The following PPIL2 variants were observed in gnomAD, a reference collection of about 807,000 sequenced individuals.
The protein encoded by PPIL2 is RING-type E3 ubiquitin-protein ligase PPIL2.
PPIL2 carries 50 observed loss-of-function variants against 75.2 expected under a neutral mutation model. The ratio of observed to expected loss-of-function variants is 0.66; its 90% CI spans 0.53 to 0.84. The LOEUF (loss-of-function observed/expected upper bound fraction) is 0.84, where lower values mean the gene tolerates loss of function less well. PPIL2 is among the 40% of genes least tolerant of loss of function. The probability of loss-of-function intolerance (pLI) is 0.00; values close to 1 mark genes in which losing one functional copy is unlikely to be tolerated. For synonymous variants in PPIL2, 245 were observed against 258.8 expected, an observed-to-expected ratio of 0.95 and a Z score of 0.51; for missense variants, 590 against 685.0, an observed-to-expected ratio of 0.86 and a Z score of 1.55.
chr22:21,695,173 G>A (rs2051653823), intron 19 of PPIL2, 103 bp downstream of exon 19: 2 of 1,442,444 alleles, frequency 1.4e-6, no homozygotes, highest in African/African-American at 1.4e-5. Context: ...ATGGGCACTG[G>A]TCCCGGCCGT....
At chr22:21,683,063 A>G (rs899625836) in intron 8 of PPIL2, 119 bp from the exon 9 acceptor site, 13 of 865,138 alleles carry the variant, frequency 1.5e-5, no homozygotes, top group Admixed American at 1.0e-4. Flanking sequence ...GACTCCCCCA[A>G]CCTCAGTGTA....
At position 21,694,765 on chromosome 22, in the gene PPIL2, G is replaced by A. The variant is rs755227947; in HGVS notation, c.1280G>A (p.Arg427His). ...CCCCTTTGCTGCTAGGAGGAGATCCGCATTGATGCCACTACAGTGTTCGTG... is the reference window on the plus strand; with the variant it reads ...CCCCTTTGCTGCTAGGAGGAGATCCACATTGATGCCACTACAGTGTTCGTG... ...PKTDRPKEEI[R>H]IDATTVFVDP... is the part of the protein sequence containing the mutation. The change falls in exon 18 of 20, where the codon CGC (arginine) becomes CAC (histidine). Residue 427 changes from arginine (R) to histidine (H), a missense_variant. By Grantham distance (29) the Arg-to-His change is conservative (BLOSUM62 0). Transcript: ENST00000398831. 27 of 1,609,552 alleles carry A rather than the reference G, an allele frequency of 1.7e-5. No homozygotes were observed. The South Asian group carries it at 2.8e-4, about 16-fold the overall frequency.
intron 15 of PPIL2, among the ~76,000 whole-genome samples, chr22:21,692,401 A>G (rs371768316): frequency 0.062 from 9,307 of 150,580 alleles, 434 homozygotes; most frequent in African/African-American, 0.13. Flanking sequence ...TGATCCGCCC[A>G]CCTTGGCCTC....
At chr22:21,667,209 T>C (rs1304100162) in intron 1 of PPIL2, among the ~76,000 whole-genome samples, 1 of 141,212 alleles carries the variant, frequency 7.1e-6, no homozygotes, top group Non-Finnish European at 1.5e-5. Flanking sequence ...CAAGCTAGAG[T>C]GCAATGGTGA....
Position 21,695,687 on chromosome 22 carries a change from T to C in PPIL2, c.*197T>C. The C allele has an allele frequency of 1.4e-6, 2 of 1,391,580 alleles. No homozygotes were observed. The allele number at this position is 1,391,580 out of a possible 1,614,324, so 86.2% of individuals were successfully genotyped here. A position where few individuals can be genotyped will look rare whatever the true frequency, so the allele number is the denominator to read the frequency against. ...AACCTGTTGCCAAGGGCCTTGGCCC[T>C]GTTTCCAGGACCTGGCCCAGCCAGA... On this transcript the variant is annotated 3_prime_UTR_variant, in exon 20 of 20. Coordinates refer to ENST00000398831, the MANE Select transcript of PPIL2 (RefSeq NM_014337.4).
chr22:21,689,124 G>A (rs952653753), intron 15 of PPIL2, among the ~76,000 whole-genome samples: 8 of 152,226 alleles, frequency 5.3e-5, no homozygotes, highest in South Asian at 4.1e-4. Context: ...CCAGGCATTC[G>A]TGTGGGTGCC....
intron 2 of PPIL2, chr22:21,670,233 A>G (rs979829101): frequency 2.2e-4 from 251 of 1,123,470 alleles, no homozygotes; most frequent in Non-Finnish European, 2.9e-4. Flanking sequence ...ACAAAATTAC[A>G]TGTACATTTA....
At chr22:21,694,021 C>A in intron 16 of PPIL2, 149 bp downstream of exon 16, 1 of 888,480 alleles carries the variant, frequency 1.1e-6, no homozygotes, top group African/African-American at 1.7e-5. Context: ...TGCAGAGCTG[C>A]GATGGAGGGT....
chr22:21,688,089 C>CCACAGG lies in PPIL2; in HGVS notation c.1014_1019dup (p.Thr340_Gly341dup). The CCACAGG allele has an allele frequency of 1.9e-6, 3 of 1,614,198 alleles. No homozygotes were observed. Among genetic ancestry groups the CCACAGG allele is most frequent in the East Asian group, 2.2e-5 (1 of 44,880 alleles). ...TTTTCACAGATCCAAGGGGGCGACCCCACAGGCACAGGCACGGGTAGGTAC... is the reference window on the plus strand; with the variant it reads ...TTTTCACAGATCCAAGGGGGCGACCCCACAGGCACAGGCACAGGCACGGGTAGGTAC... On this transcript the variant is annotated inframe_insertion, in exon 14 of 20. Coordinates refer to ENST00000398831, the MANE Select transcript of PPIL2 (RefSeq NM_014337.4).
In PPIL2 at chr22:21,686,949, G is replaced by A. The variant is rs201936934; in HGVS notation, c.848G>A (p.Arg283Gln). ...TTTGTGAAGAAGAAGGGCTACGTGC[G>A]GCTGCACACCAACAAGGGCGACCTC... The part of the protein sequence containing the change: ...YQFVKKKGYV[R>Q]LHTNKGDLNL... Residue 283 changes from arginine (R) to glutamine (Q), a missense_variant, in exon 12 of 20, where the codon CGG (arginine) becomes CAG (glutamine). By Grantham distance (43) the Arg-to-Gln change is conservative. Transcript: ENST00000398831. 4.1e-5 allele frequency: 66 copies of A among 1,613,942 alleles called. No homozygotes were observed. The highest frequency in any genetic ancestry group is 2.8e-4 in the Admixed American group (17 of 60,010).
chr22:21,676,309 T>TTGTGTGTGTGTGTGTGTGTGTGTG (rs61112126), intron 6 of PPIL2, among the ~76,000 whole-genome samples: 2 of 123,018 alleles, frequency 1.6e-5, no homozygotes, highest in Non-Finnish European at 3.3e-5. Flanking sequence ...TTTATTTATT[T>TTGTGTGTGTGTGTGTGTGTGTGTG]TGTGTGTGTG....
At chr22:21,671,285 A>G (rs946796287) in intron 4 of PPIL2, among the ~76,000 whole-genome samples, 4 of 152,228 alleles carry the variant, frequency 2.6e-5, no homozygotes, top group African/African-American at 9.6e-5. Context: ...TACCCCTCCA[A>G]GTGCAGGCAT....
chr22:21,671,016 G>T lies in PPIL2; in HGVS notation c.148G>T (p.Val50Phe), dbSNP rs2066610990. Reference protein sequence around the residue: ...DHCSLSLQPFVYPVCTPDGIV... With the variant: ...DHCSLSLQPFFYPVCTPDGIV... Reference sequence around the variant, plus strand: ...TTTCAGTCTCTCTCTGCAGCCCTTTGTCTACCCAGTCTGCACTCCCGATGG... The same window carrying T: ...TTTCAGTCTCTCTCTGCAGCCCTTTTTCTACCCAGTCTGCACTCCCGATGG... The change falls in exon 4 of 20, where the codon GTC becomes TTC. Residue 50 changes from valine (V) to phenylalanine (F), a missense_variant. Transcript: ENST00000398831. 4 of 1,613,086 alleles carry T rather than the reference G, an allele frequency of 2.5e-6. No homozygotes were observed. The highest frequency in any genetic ancestry group is 3.4e-6 in the Non-Finnish European group (4 of 1,179,132).
chr22:21,667,146 G>C (rs1481352069), intron 1 of PPIL2, among the ~76,000 whole-genome samples: 1 of 138,288 alleles, frequency 7.2e-6, no homozygotes, highest in Non-Finnish European at 1.5e-5. Context: ...TCAATCCTCA[G>C]TCCTCATTTT....
In PPIL2 at chr22:21,695,894, T is replaced by C; in HGVS notation, c.*404T>C. The C allele has an allele frequency of 4.0e-6, 4 of 1,008,770 alleles. No homozygotes were observed. Among genetic ancestry groups the C allele is most frequent in the Non-Finnish European group, 4.8e-6 (4 of 828,736 alleles). The allele number at this position is 1,008,770 out of a possible 1,614,324, so 62.5% of individuals were successfully genotyped here. A position where few individuals can be genotyped will look rare whatever the true frequency, so the allele number is the denominator to read the frequency against. On this transcript the variant is annotated 3_prime_UTR_variant, in exon 20 of 20. Transcript: ENST00000398831. ...TCCAGTGCAGTGGTGTGATCATGGC[T>C]CACTGCAGCCTCGACCTCCTGGGCT... is the stretch of plus-strand genomic sequence containing the variant.
At position 21,695,453 on chromosome 22, in the gene PPIL2, A is replaced by G; in HGVS notation, c.1526A>G (p.Lys509Arg). Residue 509 changes from lysine (K) to arginine (R), a missense_variant, in exon 20 of 20, where the codon AAG becomes AGG. Lys to Arg is a conservative substitution (Grantham distance 26). Coordinates refer to ENST00000398831, the MANE Select transcript of PPIL2 (RefSeq NM_014337.4). ...GCCACTGTCCCCATGTCCAAGAAGA[A>G]GCCCAGTCGGGGTTTTGGGGACTTC... is the stretch of plus-strand genomic sequence containing the variant. The part of the protein sequence containing the change: ...TSATVPMSKK[K>R]PSRGFGDFSS... 6.2e-7 allele frequency: 1 copy of G among 1,609,180 alleles called. No individual in the cohort carries two copies. Among genetic ancestry groups the G allele is most frequent in the Non-Finnish European group, 8.5e-7 (1 of 1,177,696 alleles).
rs769760032 is a variant in PPIL2, at chr22:21,693,824, C to T, written c.1148C>T (p.Thr383Met). ...CCAGCCCTCCTCCCCAGCTTCATCA[C>T]GTTTCGCTCCTGTGCCTACCTGGAC... Reference protein sequence around the residue: ...PNSNRSQFFITFRSCAYLDKK... With the variant: ...PNSNRSQFFIMFRSCAYLDKK... Residue 383 changes from threonine (T) to methionine (M), a missense_variant, in exon 16 of 20, where the codon ACG becomes ATG. Physicochemically the swap from Thr to Met is moderately conservative, Grantham distance 81. Coordinates refer to ENST00000398831, the MANE Select transcript of PPIL2 (RefSeq NM_014337.4). 1.9e-6 allele frequency: 3 copies of T among 1,541,066 alleles called. No individual in the cohort carries two copies. Among genetic ancestry groups the T allele is most frequent in the Admixed American group, 1.7e-5 (1 of 59,912 alleles).
At chr22:21,682,877 G>A (rs889197830) in intron 8 of PPIL2, among the ~76,000 whole-genome samples, 20 of 152,324 alleles carry the variant, frequency 1.3e-4, no homozygotes, top group South Asian at 6.2e-4. Context: ...GTCGGCCCAC[G>A]GCTGCCCACG....
At chr22:21,672,977 C>T (rs781242967) in intron 5 of PPIL2, among the ~76,000 whole-genome samples, 13 of 152,138 alleles carry the variant, frequency 8.5e-5, no homozygotes, top group Non-Finnish European at 1.9e-4. Context: ...CTCTTCTGGC[C>T]CTTGTGGTGT....
Sources: gnomAD v4.1 joint callset for allele counts (sites outside exome capture counted in the v4.1 genomes callset) on GRCh38, gnomAD v4.1.1 for gene constraint, MANE v1.5 for transcripts, NCBI Gene and HGNC (gene_info 2026-07-23, HGNC 2026-07-21) for gene names.